Variants in RASGRF2 observed in about 807,000 individuals in gnomAD.
The protein encoded by RASGRF2 is ras-specific guanine nucleotide-releasing factor 2.
In RASGRF2, 76 loss-of-function variants were observed where a neutral mutation model predicts 151.0. The observed-to-expected ratio is 0.50, with a 90% confidence interval of 0.42 to 0.61. RASGRF2 has a LOEUF of 0.61. Ranked by LOEUF, RASGRF2 falls within the 20% of genes least tolerant of loss-of-function variation. RASGRF2 has a pLI of 0.00. For missense variants in RASGRF2, 1,148 were observed against 1,564.6 expected, an observed-to-expected ratio of 0.73 and a Z score of 4.49; for synonymous variants, 504 against 566.5, an observed-to-expected ratio of 0.89 and a Z score of 1.57.
intron 1 of RASGRF2, among the ~76,000 whole-genome samples, chr5:80,979,753 G>T (rs1286519180): frequency 6.6e-6 from 1 of 152,176 alleles, no homozygotes; most frequent in Admixed American, 6.5e-5. Flanking sequence ...TGTACTGTAA[G>T]CTTTGGCCTT....
At chr5:81,220,916 T>C (rs192355699) in intron 26 of RASGRF2, among the ~76,000 whole-genome samples, 40 of 152,340 alleles carry the variant, frequency 2.6e-4, no homozygotes, top group Non-Finnish European at 4.6e-4. Flanking sequence ...TGTGGTGGTT[T>C]CTTAGACTTT....
At chr5:81,141,019 T>A (rs73768014) in intron 17 of RASGRF2, among the ~76,000 whole-genome samples, 1,917 of 152,016 alleles carry the variant, frequency 0.013, 47 homozygotes, top group African/African-American at 0.043. Context: ...GAAATCTTGA[T>A]ATTTATGTGA....
chr5:80,966,614 A>C (rs1747732442), intron 1 of RASGRF2, among the ~76,000 whole-genome samples: 1 of 152,204 alleles, frequency 6.6e-6, no homozygotes, highest in Non-Finnish European at 1.5e-5. Flanking sequence ...TTTTTGCCCA[A>C]GGAGTTAAAA....
chr5:81,060,535 T>G (rs1751397806), intron 2 of RASGRF2, among the ~76,000 whole-genome samples: 1 of 152,210 alleles, frequency 6.6e-6, no homozygotes. Context: ...GTCTTATTAA[T>G]GTTGTCTTTC....
chr5:81,155,515 C>T (rs748965152), intron 17 of RASGRF2, among the ~76,000 whole-genome samples: 4 of 152,110 alleles, frequency 2.6e-5, no homozygotes, highest in Non-Finnish European at 4.4e-5. Flanking sequence ...AAAGCAGAAA[C>T]ATCACAACCA....
At position 81,043,035 on chromosome 5, in the gene RASGRF2, G is replaced by A. The variant is rs1037214678; in HGVS notation, c.395+52G>A. On this transcript the variant is annotated intron_variant, in intron 2 of 26. Transcript: ENST00000265080. ...ACTTGATTGTCTGGGTCCTGCATTG[G>A]GGTTATCACTGTTGGTGGTAGTTTT... 10 of 1,370,594 alleles carry A rather than the reference G, an allele frequency of 7.3e-6. No homozygotes were observed. In the Middle Eastern group the frequency reaches 5.5e-4, roughly 75 times the overall value. The allele number at this position is 1,370,594 out of a possible 1,614,324, so 84.9% of individuals were successfully genotyped here. A position where few individuals can be genotyped will look rare whatever the true frequency, so the allele number is the denominator to read the frequency against.
Position 81,113,547 on chromosome 5 carries a change from A to G in RASGRF2, c.2097A>G (p.Glu699=). 6.2e-7 allele frequency: 1 copy of G among 1,609,534 alleles called. No homozygotes were observed. The change falls in exon 15 of 27, where the codon GAA becomes GAG. Residue 699 remains glutamate (E), a synonymous_variant. Coordinates refer to ENST00000265080, the MANE Select transcript of RASGRF2 (RefSeq NM_006909.3). ...TTGCTCTCATTTTTAGGTCATTGGA[A>G]TTGTTTTTTGCTACCAGCCAGAACA... ...PFTSIPVRSL[E]LFFATSQNNR...
At chr5:81,219,553 A>ATAGGGATG (rs1199727120) in intron 25 of RASGRF2, 157 bp from the exon 26 acceptor site, 1 of 550,542 alleles carries the variant, frequency 1.8e-6, no homozygotes, top group Non-Finnish European at 3.2e-6. Flanking sequence ...TCAAGAAAGC[A>ATAGGGATG]CCAACCATAG....
chr5:81,094,879 G>A lies in RASGRF2; in HGVS notation c.1642G>A (p.Gly548Arg). Residue 548 changes from glycine (G) to arginine (R), a missense_variant, in exon 12 of 27, where the codon GGG becomes AGG. Physicochemically the swap from Gly to Arg is moderately radical, Grantham distance 125 (BLOSUM62 -2). This residue lies in a region of RASGRF2 where 646 missense variants were observed against 807.4 expected (regional missense o/e 0.80). Coordinates refer to ENST00000265080, the MANE Select transcript of RASGRF2 (RefSeq NM_006909.3). ...AGCTAAAGGTTCTGGGCAAGTGTTTGGGCACCTGGATTTTAAAATAGTGGT... is the reference window on the plus strand; with the variant it reads ...AGCTAAAGGTTCTGGGCAAGTGTTTAGGCACCTGGATTTTAAAATAGTGGT... The part of the protein sequence containing the change: ...DDSKGSGQVF[G>R]HLDFKIVVEP... 6.2e-7 allele frequency: 1 copy of A among 1,603,128 alleles called. No homozygotes were observed. The highest frequency in any genetic ancestry group is 8.5e-7 in the Non-Finnish European group (1 of 1,171,056).
intron 25 of RASGRF2, among the ~76,000 whole-genome samples, chr5:81,218,473 G>A (rs1047233509): frequency 4.4e-4 from 67 of 152,100 alleles, no homozygotes; most frequent in African/African-American, 1.6e-3. Flanking sequence ...CCCACCTTAC[G>A]TTTTTGTTTC....
intron 18 of RASGRF2, among the ~76,000 whole-genome samples, chr5:81,185,145 G>A (rs1754998076): frequency 6.6e-6 from 1 of 152,208 alleles, no homozygotes; most frequent in East Asian, 1.9e-4. Context: ...TGAGGTAGGA[G>A]AGGTCAAGGA....
At chr5:81,105,535 G>A (rs1256202978) in intron 12 of RASGRF2, among the ~76,000 whole-genome samples, 1 of 152,176 alleles carries the variant, frequency 6.6e-6, no homozygotes, top group Non-Finnish European at 1.5e-5. Flanking sequence ...GTCATTCTAA[G>A]GCTGTTGTCT....
chr5:80,970,582 A>G (rs1463109935), intron 1 of RASGRF2, among the ~76,000 whole-genome samples: 1 of 151,966 alleles, frequency 6.6e-6, no homozygotes, highest in African/African-American at 2.4e-5. Flanking sequence ...AACCCTCATG[A>G]TACTAACTCA....
At chr5:80,995,379 CATAT>C (rs751207758) in intron 1 of RASGRF2, among the ~76,000 whole-genome samples, 2,346 of 132,304 alleles carry the variant, frequency 0.018, 75 homozygotes, top group African/African-American at 0.059. Flanking sequence ...AATGGAATTT[CATAT>C]ATATATATAT....
At chr5:81,100,938 T>C (rs1264182274) in intron 12 of RASGRF2, among the ~76,000 whole-genome samples, 3 of 152,180 alleles carry the variant, frequency 2.0e-5, no homozygotes, top group Non-Finnish European at 4.4e-5. Context: ...GGTCTTTAAA[T>C]AGGTACTGCC....
chr5:81,004,193 G>A lies in RASGRF2; in HGVS notation c.289-38684G>A, dbSNP rs114258708. ...GTAAGGTTCTCTGGAAGGATTTGAG[G>A]CCTGTAGTCAGAATAAAGTTCCCAC... is the stretch of plus-strand genomic sequence containing the variant. On this transcript the variant is annotated intron_variant, in intron 1 of 26. Transcript: ENST00000265080. Among the ~76,000 whole-genome samples the A allele has an allele frequency of 3.8e-3, 573 of 152,306 alleles. 4 individuals are homozygous for A. The highest frequency in any genetic ancestry group is 0.012 in the African/African-American group (491 of 41,560).
At chr5:81,118,183 C>G (rs994157423) in intron 15 of RASGRF2, among the ~76,000 whole-genome samples, 7 of 152,362 alleles carry the variant, frequency 4.6e-5, no homozygotes, top group African/African-American at 1.7e-4. Flanking sequence ...TCAGTGTCTC[C>G]ATCCCTGCAA....
In RASGRF2 at chr5:80,996,521, C is replaced by CTTCTT. The variant is rs1561544850; in HGVS notation, c.288+35495_288+35496insTTCTT. Among the ~76,000 whole-genome samples, 234 of 24,690 alleles carry CTTCTT rather than the reference C, an allele frequency of 9.5e-3. 16 individuals are homozygous for CTTCTT. The highest frequency in any genetic ancestry group is 0.013 in the Non-Finnish European group (159 of 12,320). The allele number at this position is 24,690 out of a possible 152,430, so 16.2% of individuals were successfully genotyped here. A position where few individuals can be genotyped will look rare whatever the true frequency, so the allele number is the denominator to read the frequency against. On this transcript the variant is annotated intron_variant, in intron 1 of 26. Coordinates refer to ENST00000265080, the MANE Select transcript of RASGRF2 (RefSeq NM_006909.3). Reference sequence around the variant, plus strand: ...TTCTTCTTCCTCCTCCTCCTCCTCCCCCTCCTCCTCCTCCCCCTCCTCCTC... The same window carrying CTTCTT: ...TTCTTCTTCCTCCTCCTCCTCCTCCCTTCTTCCTCCTCCTCCTCCCCCTCCTCCTC...
At chr5:81,171,775 C>T (rs1754663903) in intron 17 of RASGRF2, among the ~76,000 whole-genome samples, 1 of 152,184 alleles carries the variant, frequency 6.6e-6, no homozygotes, top group South Asian at 2.1e-4. Flanking sequence ...TCTAACCCAT[C>T]CCTTTCCTTC....
Sources: gnomAD v4.1 joint callset for allele counts (sites outside exome capture counted in the v4.1 genomes callset) on GRCh38, gnomAD v4.1.1 for gene constraint, gnomAD v4.1.1 regional missense constraint, MANE v1.5 for transcripts, NCBI Gene and HGNC (gene_info 2026-07-23, HGNC 2026-07-21) for gene names.